PROSER1: variants seen among roughly 807,000 people sequenced by gnomAD.
The protein encoded by PROSER1 is proline and serine-rich protein 1.
A neutral mutation model predicts 71.8 loss-of-function variants in PROSER1; 36 were observed. The observed-to-expected ratio is 0.50, with a 90% CI of 0.38 to 0.66. The LOEUF is 0.66. Among genes scored for constraint, PROSER1 ranks in the 30% least tolerant of loss-of-function variants. The pLI is 0.00. For missense variants in PROSER1, 1,107 were observed against 1,135.0 expected (o/e 0.98, Z 0.35); for synonymous variants, 490 against 452.4 (o/e 1.08, Z -1.06).
intron 9 of PROSER1, among the ~76,000 whole-genome samples, chr13:39,018,494 ACAC>A (rs1566023863): frequency 3.3e-4 from 48 of 144,342 alleles, no homozygotes; most frequent in African/African-American, 1.2e-3. Flanking sequence ...ACACACACAC[ACAC>A]ACACACACAC....
At chr13:39,020,764 G>A (rs1241569089) in intron 9 of PROSER1, among the ~76,000 whole-genome samples, 1 of 152,170 alleles carries the variant, frequency 6.6e-6, no homozygotes, top group East Asian at 1.9e-4. Flanking sequence ...AACTGGTATA[G>A]GGTTTTTGGA....
chr13:39,025,120 T>C (rs767827505), intron 6 of PROSER1, among the ~76,000 whole-genome samples: 1 of 152,130 alleles, frequency 6.6e-6, no homozygotes, highest in Non-Finnish European at 1.5e-5. Flanking sequence ...ACAGTATGTA[T>C]AATACTCAAA....
intron 1 of PROSER1, among the ~76,000 whole-genome samples, chr13:39,035,494 G>A (rs1871056830): frequency 6.6e-6 from 1 of 152,172 alleles, no homozygotes; most frequent in South Asian, 2.1e-4. Flanking sequence ...CACCTCATGC[G>A]TTGTAAGGAG....
intron 9 of PROSER1, among the ~76,000 whole-genome samples, chr13:39,021,287 C>T (rs1360421230): frequency 1.3e-5 from 2 of 152,194 alleles, no homozygotes; most frequent in East Asian, 3.9e-4. Flanking sequence ...ACACAGTCAT[C>T]CATCAATTTC....
At position 39,011,830 on chromosome 13, in the gene PROSER1, G is replaced by C. The variant is rs955244762; in HGVS notation, c.2712+253C>G. ...TGAATAGATTCTTAAATTTTATCAA[G>C]TGAAATCTATAAGCAGGAAGGAAAA... On this transcript the variant is annotated intron_variant, in intron 12 of 12. Coordinates refer to ENST00000352251, the MANE Select transcript of PROSER1 (RefSeq NM_025138.5). Among the ~76,000 whole-genome samples, 9 of 152,264 alleles carry C rather than the reference G, an allele frequency of 5.9e-5. No homozygotes were observed. In the East Asian group the frequency reaches 1.2e-3, roughly 20 times the overall value.
chr13:39,014,503 G>T (rs1180939890), intron 10 of PROSER1, 27 bp from the exon 11 acceptor site: 1 of 1,520,656 alleles, frequency 6.6e-7, no homozygotes, highest in Non-Finnish European at 9.0e-7. Context: ...AAAAAGGCAA[G>T]AATGTATCAT....
rs760009020 is a variant in PROSER1, at chr13:39,014,191, G to T, written c.1061C>A (p.Thr354Asn). Residue 354 changes from threonine to asparagine, a missense_variant, in exon 11 of 13, where the codon ACC becomes AAC. Thr to Asn is a moderately conservative substitution (Grantham distance 65). Coordinates refer to ENST00000352251, the MANE Select transcript of PROSER1 (RefSeq NM_025138.5). Reference protein sequence around the residue: ...TAPVTSIHSTTTTPVPSIFSG... With the variant: ...TAPVTSIHSTNTTPVPSIFSG... ...AAAAATGGAAGGAACAGGAGTGGTGGTTGTACTGTGGATGGATGTAACAGG... is the reference window on the plus strand; with the variant it reads ...AAAAATGGAAGGAACAGGAGTGGTGTTTGTACTGTGGATGGATGTAACAGG... 16 of 1,614,066 alleles carry T rather than the reference G, an allele frequency of 9.9e-6. No homozygotes were observed. In the African/African-American group the frequency reaches 2.1e-4, roughly 22 times the overall value.
Position 39,011,234 on chromosome 13 carries a change from TCA to T in PROSER1, c.*129_*130del. ...TGCAACCACAATTTTCAAATTGTTG[TCA>T]CAATTTCTCCAGGATTACCCTCATT... is the stretch of plus-strand genomic sequence containing the variant. On this transcript the variant is annotated 3_prime_UTR_variant, in exon 13 of 13. Coordinates refer to ENST00000352251, the MANE Select transcript of PROSER1 (RefSeq NM_025138.5). 1.1e-6 allele frequency: 1 copy of T among 877,508 alleles called. No individual in the cohort carries two copies. Among genetic ancestry groups the T allele is most frequent in the Non-Finnish European group, 1.8e-6 (1 of 565,888 alleles). The allele number at this position is 877,508 out of a possible 1,614,324, so 54.4% of individuals were successfully genotyped here. A position where few individuals can be genotyped will look rare whatever the true frequency, so the allele number is the denominator to read the frequency against.
At position 39,013,916 on chromosome 13, in the gene PROSER1, G is replaced by T. The variant is rs1869851530; in HGVS notation, c.1336C>A (p.Pro446Thr). The T allele has an allele frequency of 6.2e-7, 1 of 1,614,084 alleles. No homozygotes were observed. The highest frequency in any genetic ancestry group is 1.1e-5 in the South Asian group (1 of 91,088). The stretch of plus-strand genomic sequence containing the variant: ...GAGCCACCAGCAATTACAGGAGTCG[G>T]GTTGGATAGGCCTTGGGATGTTGGT... The part of the protein sequence containing the change: ...LPPTSQGLSN[P>T]TPVIAGGSTP... Residue 446 changes from proline (P) to threonine (T), a missense_variant, in exon 11 of 13, where the codon CCG (proline) becomes ACG (threonine). Transcript: ENST00000352251.
At position 39,012,964 on chromosome 13, in the gene PROSER1, G is replaced by A. The variant is rs371650897; in HGVS notation, c.2288C>T (p.Pro763Leu). The A allele has an allele frequency of 2.4e-5, 38 of 1,614,050 alleles. No homozygotes were observed. The highest frequency in any genetic ancestry group is 3.0e-5 in the Non-Finnish European group (35 of 1,180,024). ...GGGAACAGCAGTGGACAGGTTGAGGGGGAAAGGTGCTGCTGAGACTGGTGC... is the reference window on the plus strand; with the variant it reads ...GGGAACAGCAGTGGACAGGTTGAGGAGGAAAGGTGCTGCTGAGACTGGTGC... ...ASAPVSAAPF[P>L]LNLSTAVPSL... is the part of the protein sequence containing the mutation. Residue 763 changes from proline to leucine, a missense_variant, in exon 11 of 13, where the codon CCC (proline) becomes CTC (leucine). Coordinates refer to ENST00000352251, the MANE Select transcript of PROSER1 (RefSeq NM_025138.5).
intron 9 of PROSER1, among the ~76,000 whole-genome samples, chr13:39,019,224 G>A (rs375734698): frequency 3.3e-5 from 5 of 151,714 alleles, no homozygotes; most frequent in African/African-American, 7.3e-5. Context: ...AGGAGAGGTC[G>A]GGCGCAGTGG....
In PROSER1 at chr13:39,017,558, A is replaced by C. The variant is rs1307261455; in HGVS notation, c.731-14T>G. 1.5e-6 allele frequency: 2 copies of C among 1,359,752 alleles called. No homozygotes were observed. The highest frequency in any genetic ancestry group is 4.9e-5 in the East Asian group (2 of 40,686). The allele number at this position is 1,359,752 out of a possible 1,614,324, so 84.2% of individuals were successfully genotyped here. On this transcript the variant is annotated splice_polypyrimidine_tract_variant and intron_variant, in intron 9 of 12. Coordinates refer to ENST00000352251, the MANE Select transcript of PROSER1 (RefSeq NM_025138.5). ...GGTCTTCATTCTCTATATAAAAATA[A>C]ATAAAAGTTCATTTTAAACTTTAAT...
Position 39,012,881 on chromosome 13 carries a change from A to T in PROSER1, c.2371T>A (p.Phe791Ile). 1 of 1,614,188 alleles carries T rather than the reference A, an allele frequency of 6.2e-7. No individual in the cohort carries two copies. Among genetic ancestry groups the T allele is most frequent in the African/African-American group, 1.3e-5 (1 of 75,046 alleles). ...LSSSNPSYPGFSVSNTPSVTP... is the reference protein window; with the variant it reads ...LSSSNPSYPGISVSNTPSVTP... The stretch of plus-strand genomic sequence containing the variant: ...ACGCTTGGGGTATTAGAGACAGAAA[A>T]GCCTGGATAGGAGGGATTTGAAGAT... The change falls in exon 11 of 13, where the codon TTT (phenylalanine) becomes ATT (isoleucine). Residue 791 changes from phenylalanine (F) to isoleucine (I), a missense_variant. By Grantham distance (21) the Phe-to-Ile change is conservative. Transcript: ENST00000352251.
Position 39,012,188 on chromosome 13 carries a change from G to A in PROSER1, c.2607C>T (p.Gly869=), listed in dbSNP as rs761087358. 2 of 1,613,962 alleles carry A rather than the reference G, an allele frequency of 1.2e-6. No homozygotes were observed. Among genetic ancestry groups the A allele is most frequent in the African/African-American group, 2.7e-5 (2 of 74,928 alleles). Residue 869 remains glycine, a synonymous_variant, in exon 12 of 13, where the codon GGC becomes GGT. Coordinates refer to ENST00000352251, the MANE Select transcript of PROSER1 (RefSeq NM_025138.5). ...LQAAGSSVFP[G]LLSLPGIPGF... ...CAGGGATACCCGGGAGGGACAAAAG[G>A]CCTGGAAAAACAGAACTGCCTGCAG...
chr13:39,036,708 T>G (rs547812594), intron 1 of PROSER1, among the ~76,000 whole-genome samples: 1 of 152,314 alleles, frequency 6.6e-6, no homozygotes, highest in East Asian at 1.9e-4. Context: ...GACTTTAAAC[T>G]TAATGCCACA....
intron 9 of PROSER1, among the ~76,000 whole-genome samples, chr13:39,020,259 C>G (rs1007555019): frequency 6.6e-6 from 1 of 151,970 alleles, no homozygotes; most frequent in African/African-American, 2.4e-5. Context: ...GGGAAGAAAA[C>G]ACTACCAGCT....
chr13:39,015,077 T>C (rs1869947508), intron 10 of PROSER1, among the ~76,000 whole-genome samples: 1 of 152,136 alleles, frequency 6.6e-6, no homozygotes. Context: ...GCAACTCCTT[T>C]AGGGGCAAAA....
At chr13:39,027,056 A>G (rs1470857635) in intron 5 of PROSER1, among the ~76,000 whole-genome samples, 1 of 145,180 alleles carries the variant, frequency 6.9e-6, no homozygotes, top group Non-Finnish European at 1.5e-5. Flanking sequence ...CAATGTATCT[A>G]TATTATGTTA....
At chr13:39,021,262 C>T (rs1331767633) in intron 9 of PROSER1, among the ~76,000 whole-genome samples, 3 of 152,116 alleles carry the variant, frequency 2.0e-5, no homozygotes, top group South Asian at 4.1e-4. Flanking sequence ...TTTGCTATCC[C>T]GCTGTCAACT....
Sources: allele counts gnomAD v4.1 joint callset (sites outside exome capture counted in the v4.1 genomes callset), GRCh38; gene constraint gnomAD v4.1.1; transcripts MANE v1.5; gene names NCBI Gene and HGNC (gene_info 2026-07-23, HGNC 2026-07-21).